CSMD1: variants seen among roughly 807,000 people sequenced by gnomAD.
CSMD1 encodes CUB and sushi domain-containing protein 1.
In CSMD1, 213 loss-of-function variants were observed where a neutral mutation model predicts 417.5. The observed-to-expected ratio is 0.51, with a 90% CI of 0.46 to 0.57. The LOEUF (loss-of-function observed/expected upper bound fraction) is 0.57. Ranked by LOEUF, CSMD1 falls within the 20% of genes least tolerant of loss-of-function variation. CSMD1 has a pLI of 0.00. For missense variants in CSMD1, 6,923 were observed against 4,529.7 expected, an observed-to-expected ratio of 1.53 and a Z score of -15.17; for synonymous variants, 2,862 against 1,736.8, an observed-to-expected ratio of 1.65 and a Z score of -16.11.
intron 21 of CSMD1, 60 bp from the exon 22 acceptor site, chr8:3,348,221 G>T: frequency 7.4e-7 from 1 of 1,342,918 alleles, no homozygotes; most frequent in Non-Finnish European, 1.0e-6. Flanking sequence ...GTTTTTAACA[G>T]ATTAAAAACT....
chr8:4,099,749 C>G (rs573122563), intron 3 of CSMD1, among the ~76,000 whole-genome samples: 1 of 152,078 alleles, frequency 6.6e-6, no homozygotes, highest in African/African-American at 2.4e-5. Flanking sequence ...AAACTAGAAC[C>G]TCTTCCTGAG....
chr8:4,274,459 A>G (rs1186073064), intron 3 of CSMD1, among the ~76,000 whole-genome samples: 1 of 152,170 alleles, frequency 6.6e-6, no homozygotes. Flanking sequence ...AATCGTCAGC[A>G]CAGTCGTAAT....
At chr8:3,524,082 C>G (rs1234785929) in intron 10 of CSMD1, among the ~76,000 whole-genome samples, 1 of 151,666 alleles carries the variant, frequency 6.6e-6, no homozygotes, top group African/African-American at 2.4e-5. Flanking sequence ...TACACATGCA[C>G]ACACGCATGC....
chr8:3,502,715 G>A (rs1585263925), intron 10 of CSMD1, among the ~76,000 whole-genome samples: 1 of 152,152 alleles, frequency 6.6e-6, no homozygotes, highest in East Asian at 1.9e-4. Flanking sequence ...GAAGAGGGAG[G>A]GATGAAGAGC....
At chr8:3,882,554 G>A (rs567853833) in intron 5 of CSMD1, among the ~76,000 whole-genome samples, 1 of 152,132 alleles carries the variant, frequency 6.6e-6, no homozygotes, top group Admixed American at 6.6e-5. Flanking sequence ...GCATCCTTAG[G>A]CATATACCCA....
intron 1 of CSMD1, among the ~76,000 whole-genome samples, chr8:4,706,257 C>T (rs1413617921): frequency 2.0e-5 from 3 of 151,778 alleles, no homozygotes; most frequent in African/African-American, 7.3e-5. Flanking sequence ...CATATCTGAC[C>T]TAAAATTTCT....
At chr8:4,128,585 C>G (rs1802904033) in intron 3 of CSMD1, among the ~76,000 whole-genome samples, 1 of 152,142 alleles carries the variant, frequency 6.6e-6, no homozygotes, top group Admixed American at 6.5e-5. Context: ...TATCTCCAAA[C>G]CTTCAAAGAC....
At chr8:3,641,215 T>A (rs1240171980) in intron 7 of CSMD1, among the ~76,000 whole-genome samples, 1 of 151,990 alleles carries the variant, frequency 6.6e-6, no homozygotes, top group East Asian at 1.9e-4. Context: ...TTTTCCAGAC[T>A]TTCCACTTGG....
At chr8:4,883,429 T>A (rs12681969) in intron 1 of CSMD1, among the ~76,000 whole-genome samples, 2 of 151,934 alleles carry the variant, frequency 1.3e-5, no homozygotes, top group Admixed American at 6.6e-5. Context: ...CACTCTCTCA[T>A]TTTGAACATT....
chr8:4,731,143 G>C (rs1329557770), intron 1 of CSMD1, among the ~76,000 whole-genome samples: 1 of 152,182 alleles, frequency 6.6e-6, no homozygotes, highest in African/African-American at 2.4e-5. Flanking sequence ...ATGGCTTCGA[G>C]TAGCATTTAA....
chr8:3,853,932 A>G (rs1056499321), intron 5 of CSMD1, among the ~76,000 whole-genome samples: 7 of 146,942 alleles, frequency 4.8e-5, no homozygotes, highest in Non-Finnish European at 9.0e-5. Flanking sequence ...ATATATTAAT[A>G]TATTAAAGTA....
At chr8:4,594,813 C>G (rs1324042151) in intron 2 of CSMD1, among the ~76,000 whole-genome samples, 2 of 152,068 alleles carry the variant, frequency 1.3e-5, no homozygotes, top group Non-Finnish European at 2.9e-5. Flanking sequence ...TGATGTTACC[C>G]CCACCTTAAT....
At chr8:4,831,676 C>T (rs1800157207) in intron 1 of CSMD1, among the ~76,000 whole-genome samples, 1 of 152,156 alleles carries the variant, frequency 6.6e-6, no homozygotes, top group Non-Finnish European at 1.5e-5. Flanking sequence ...TTTGTTCATA[C>T]TTCAATGAAA....
chr8:4,859,429 G>C (rs1351348741), intron 1 of CSMD1, among the ~76,000 whole-genome samples: 3 of 151,124 alleles, frequency 2.0e-5, no homozygotes, highest in African/African-American at 7.3e-5. Context: ...ATCTAATTAA[G>C]AGCTTCTGCA....
chr8:3,715,060 T>A (rs1454366753), intron 6 of CSMD1, among the ~76,000 whole-genome samples: 1 of 152,162 alleles, frequency 6.6e-6, no homozygotes, highest in Non-Finnish European at 1.5e-5. Context: ...ATAATCCCCT[T>A]CCCCTCCAAA....
intron 1 of CSMD1, among the ~76,000 whole-genome samples, chr8:4,872,656 A>G (rs937177367): frequency 2.0e-5 from 3 of 152,168 alleles, no homozygotes; most frequent in Non-Finnish European, 4.4e-5. Context: ...ACACTGCCTC[A>G]GAAATTGCGA....
chr8:4,384,756 G>A (rs189784604), intron 3 of CSMD1, among the ~76,000 whole-genome samples: 2 of 152,286 alleles, frequency 1.3e-5, no homozygotes, highest in Admixed American at 1.3e-4. Flanking sequence ...CTTCACATCA[G>A]CAATTCCTAC....
intron 37 of CSMD1, among the ~76,000 whole-genome samples, chr8:3,180,117 T>C (rs982991208): frequency 6.6e-6 from 1 of 152,232 alleles, no homozygotes; most frequent in Non-Finnish European, 1.5e-5. Flanking sequence ...CGTTAAACAT[T>C]TTTAGTGCTT....
Position 3,223,832 on chromosome 8 carries a change from C to G in CSMD1, c.4381G>C (p.Val1461Leu), listed in dbSNP as rs767039998. Residue 1461 changes from valine to leucine, a missense_variant, in exon 28 of 70, where the codon GTT becomes CTT. Transcript: ENST00000635120. ...CGGNLTGPAGVILSPNYPQPY... is the reference protein window; with the variant it reads ...CGGNLTGPAGLILSPNYPQPY... ...TGTGGGTAGTTGGGTGACAAAATAA[C>G]ACCTGCTGGGCCCGTCAGATTCCCT... is the stretch of plus-strand genomic sequence containing the variant. 1.2e-6 allele frequency: 2 copies of G among 1,613,818 alleles called. No individual in the cohort carries two copies. Among genetic ancestry groups the G allele is most frequent in the East Asian group, 4.5e-5 (2 of 44,856 alleles).
Sources: gnomAD v4.1 joint callset for allele counts (sites outside exome capture counted in the v4.1 genomes callset) on GRCh38, gnomAD v4.1.1 for gene constraint, MANE v1.5 for transcripts, NCBI Gene and HGNC (gene_info 2026-07-23, HGNC 2026-07-21) for gene names.